The following MLIP variants were observed in gnomAD, a reference collection of about 807,000 sequenced individuals.
MLIP encodes the protein muscular LMNA-interacting protein.
In MLIP, 79 loss-of-function variants were observed where a neutral mutation model predicts 84.8. That is an observed-to-expected ratio of 0.93 (90% CI 0.78 to 1.12). MLIP has a LOEUF of 1.12. MLIP is among the 50% of genes most tolerant of loss of function. The probability of loss-of-function intolerance (pLI) is 0.00; values close to 1 mark genes in which losing one functional copy is unlikely to be tolerated. For synonymous variants in MLIP, 504 were observed against 463.0 expected (o/e 1.09, Z -1.14); for missense variants, 1,257 against 1,160.6 (o/e 1.08, Z -1.21).
chr6:54,168,964 G>T (rs2145761), intron 8 of MLIP, among the ~76,000 whole-genome samples: 13,917 of 150,988 alleles, frequency 0.092, 804 homozygotes, highest in East Asian at 0.21. Context: ...GAGATAAGAG[G>T]TAAAGCCAGA....
chr6:54,059,143 C>T lies in MLIP; in HGVS notation c.63+40052C>T, dbSNP rs117152812. On this transcript the variant is annotated intron_variant, in intron 1 of 12. Coordinates refer to the MLIP transcript ENST00000274897. ...GTGTATTCAGAGACTTGTCTAAGGG[C>T]CTACCTAGCTTGCATGCTTTCCTTC... is the stretch of plus-strand genomic sequence containing the variant. Among the ~76,000 whole-genome samples, 21 of 152,202 alleles carry T rather than the reference C, an allele frequency of 1.4e-4. No homozygotes were observed. In the East Asian group the frequency reaches 3.5e-3, roughly 25 times the overall value.
chr6:54,136,598 G>A (rs1298913712), intron 3 of MLIP, 117 bp from the exon 4 acceptor site: 10 of 992,622 alleles, frequency 1.0e-5, no homozygotes, highest in Non-Finnish European at 7.0e-6. Context: ...TTTTTGTGGA[G>A]GTTTAAGATG....
chr6:54,160,943 G>A (rs1167400577), intron 8 of MLIP, 144 bp downstream of exon 8: 17 of 684,988 alleles, frequency 2.5e-5, no homozygotes, highest in Admixed American at 2.9e-5. Context: ...TTTAAAGATA[G>A]TAAATATTAG....
At chr6:54,024,038 G>A (rs545588044) in intron 1 of MLIP, among the ~76,000 whole-genome samples, 1 of 152,192 alleles carries the variant, frequency 6.6e-6, no homozygotes, top group East Asian at 1.9e-4. Flanking sequence ...TTGAATTCGA[G>A]TTTCACTCTT....
chr6:54,098,527 G>A (rs1582136212), intron 1 of MLIP, among the ~76,000 whole-genome samples: 1 of 151,778 alleles, frequency 6.6e-6, no homozygotes, highest in Admixed American at 6.6e-5. Context: ...ACCAGGGCAG[G>A]ATGGTGTCAG....
At chr6:54,058,949 G>A (rs538336645) in intron 1 of MLIP, 1 of 152,272 alleles carries the variant, frequency 6.6e-6, no homozygotes, top group South Asian at 2.1e-4. Context: ...GTAAATTCAA[G>A]CTTAAAGCTC....
At chr6:54,046,167 C>T (rs1266831165) in intron 1 of MLIP, 1 of 152,050 alleles carries the variant, frequency 6.6e-6, no homozygotes, top group Non-Finnish European at 1.5e-5. Flanking sequence ...CTCTTTTCCC[C>T]CAAGAGTCCA....
intron 12 of MLIP, among the ~76,000 whole-genome samples, chr6:54,249,059 C>T (rs1439574185): frequency 1.3e-5 from 2 of 151,990 alleles, no homozygotes; most frequent in Non-Finnish European, 2.9e-5. Context: ...TTTTACCATC[C>T]CCATCAGCAT....
At chr6:54,105,558 C>G (rs1768948060) in intron 1 of MLIP, among the ~76,000 whole-genome samples, 1 of 152,096 alleles carries the variant, frequency 6.6e-6, no homozygotes, top group Admixed American at 6.5e-5. Flanking sequence ...AAAATCCTTG[C>G]CCTCATGGTG....
At chr6:54,178,647 C>T (rs1014397634) in intron 9 of MLIP, among the ~76,000 whole-genome samples, 3 of 152,076 alleles carry the variant, frequency 2.0e-5, no homozygotes, top group Admixed American at 6.6e-5. Flanking sequence ...TCTTCATTGA[C>T]CCACTGGTCA....
intron 1 of MLIP, among the ~76,000 whole-genome samples, chr6:54,118,981 A>G (rs908928688): frequency 4.6e-5 from 7 of 152,352 alleles, no homozygotes; most frequent in African/African-American, 1.7e-4. Flanking sequence ...GAAAATGCCA[A>G]TGAAAACAGT....
At chr6:54,153,194 AAC>A (rs1773637459) in intron 5 of MLIP, among the ~76,000 whole-genome samples, 1 of 151,980 alleles carries the variant, frequency 6.6e-6, no homozygotes, top group South Asian at 2.1e-4. Context: ...TTATAGGAAA[AAC>A]ATTTTTTTTT....
intron 5 of MLIP, among the ~76,000 whole-genome samples, chr6:54,154,666 A>T (rs1459052660): frequency 6.6e-6 from 1 of 152,172 alleles, no homozygotes; most frequent in East Asian, 1.9e-4. Context: ...TGAGTAAGGG[A>T]TGCTCATATG....
chr6:54,124,834 A>C lies in MLIP; in HGVS notation c.614A>C (p.His205Pro). Reference protein sequence around the residue: ...LKTSSHPEMLHGMAPQQKHGQ... With the variant: ...LKTSSHPEMLPGMAPQQKHGQ... ...ACCTCATCACATCCTGAAATGCTTC[A>C]TGGGATGGCCCCTCAGCAAAAGCAT... The change falls in exon 3 of 14, where the codon CAT becomes CCT. Residue 205 changes from histidine (H) to proline (P), a missense_variant. His to Pro is a moderately conservative substitution (Grantham distance 77). Coordinates refer to ENST00000502396, the MANE Select transcript of MLIP (RefSeq NM_001281747.2). 1 of 1,605,728 alleles carries C rather than the reference A, an allele frequency of 6.2e-7. No individual in the cohort carries two copies. Among genetic ancestry groups the C allele is most frequent in the South Asian group, 1.1e-5 (1 of 89,610 alleles).
At chr6:54,223,965 T>A (rs550802893) in intron 11 of MLIP, among the ~76,000 whole-genome samples, 9 of 151,566 alleles carry the variant, frequency 5.9e-5, no homozygotes, top group African/African-American at 2.2e-4. Context: ...GCTAAATGAA[T>A]AAGAAGAGTA....
chr6:54,113,443 G>T (rs1434224526), intron 1 of MLIP, among the ~76,000 whole-genome samples: 1 of 152,142 alleles, frequency 6.6e-6, no homozygotes, highest in East Asian at 1.9e-4. Context: ...ATAGATAAGT[G>T]GGCTCCTTAA....
chr6:54,159,218 A>G (rs1464451319), intron 5 of MLIP, among the ~76,000 whole-genome samples: 1 of 151,834 alleles, frequency 6.6e-6, no homozygotes, highest in Non-Finnish European at 1.5e-5. Flanking sequence ...TGGCCATAAG[A>G]TTTTCTTATA....
upstream of MLIP, among the ~76,000 whole-genome samples, chr6:54,108,222 A>G (rs2150400857): frequency 6.6e-6 from 1 of 152,290 alleles, no homozygotes; most frequent in Non-Finnish European, 1.5e-5. Flanking sequence ...TATTCAACAG[A>G]GCAGTTTGTG....
At chr6:54,150,597 C>T (rs956232854) in intron 5 of MLIP, among the ~76,000 whole-genome samples, 5 of 152,172 alleles carry the variant, frequency 3.3e-5, no homozygotes, top group African/African-American at 9.6e-5. Flanking sequence ...GTTTCATGCT[C>T]GTCTTTCCCT....
Sources: gnomAD v4.1 joint callset for allele counts (sites outside exome capture counted in the v4.1 genomes callset) on GRCh38, gnomAD v4.1.1 for gene constraint, MANE v1.5 for transcripts, NCBI Gene and HGNC (gene_info 2026-07-23, HGNC 2026-07-21) for gene names.